Variants in GALNT17 observed in about 807,000 individuals in gnomAD.
GALNT17 encodes the protein UDP-GalNAc:polypeptide N-acetylgalactosaminyltransferase-like 3.
In GALNT17, 29 loss-of-function variants were observed where a neutral mutation model predicts 63.7. The observed-to-expected ratio is 0.46, with a 90% CI of 0.34 to 0.62. The LOEUF is 0.62. GALNT17 is among the 20% of genes least tolerant of loss of function. The pLI is 0.01. For synonymous variants in GALNT17, 305 were observed against 318.3 expected (o/e 0.96, Z 0.45); for missense variants, 603 against 799.6 (o/e 0.75, Z 2.97).
At chr7:71,583,431 G>T (rs989535960) in intron 6 of GALNT17, among the ~76,000 whole-genome samples, 1 of 152,156 alleles carries the variant, frequency 6.6e-6, no homozygotes, top group Non-Finnish European at 1.5e-5. Flanking sequence ...GGAAGAGATA[G>T]TCAGGCCCCC....
chr7:71,133,655 C>T lies in GALNT17; in HGVS notation c.238+615C>T, dbSNP rs531229841. Among the ~76,000 whole-genome samples, 13 of 152,232 alleles carry T rather than the reference C, an allele frequency of 8.5e-5. No homozygotes were observed. In the South Asian group the frequency reaches 1.2e-3, roughly 15 times the overall value. ...GGCGATTGTTAAAGCTCAGGGTGGG[C>T]CTGCGAAGTTTCCAGAATGTAGCAC... On this transcript the variant is annotated intron_variant, in intron 1 of 10. Coordinates refer to ENST00000333538, the MANE Select transcript of GALNT17 (RefSeq NM_022479.3).
At chr7:71,474,531 G>A (rs1360941334) in intron 5 of GALNT17, among the ~76,000 whole-genome samples, 3 of 152,082 alleles carry the variant, frequency 2.0e-5, no homozygotes, top group Non-Finnish European at 2.9e-5. Flanking sequence ...GTAAAATTAT[G>A]CCTCAATATA....
chr7:71,425,058 T>C (rs1348211119), intron 5 of GALNT17, among the ~76,000 whole-genome samples: 1 of 152,140 alleles, frequency 6.6e-6, no homozygotes. Context: ...TCCACTTTTA[T>C]TTTTCCACAC....
intron 1 of GALNT17, among the ~76,000 whole-genome samples, chr7:71,269,874 T>G (rs1209716736): frequency 6.6e-6 from 1 of 151,996 alleles, no homozygotes; most frequent in African/African-American, 2.4e-5. Context: ...ACAGATAAAT[T>G]TGTTGTAAAA....
intron 1 of GALNT17, among the ~76,000 whole-genome samples, chr7:71,317,553 C>A (rs1009774330): frequency 1.3e-5 from 2 of 151,946 alleles, no homozygotes; most frequent in Admixed American, 1.3e-4. Context: ...AGGATGTGAG[C>A]CCAATGGGGC....
intron 2 of GALNT17, among the ~76,000 whole-genome samples, chr7:71,386,377 G>A (rs73360158): frequency 0.12 from 17,546 of 152,120 alleles, 2,489 homozygotes; most frequent in African/African-American, 0.33. Flanking sequence ...TCTGCTCCCT[G>A]TTCCGTTGTG....
chr7:71,429,671 G>A (rs1440631391), intron 5 of GALNT17, among the ~76,000 whole-genome samples: 1 of 152,112 alleles, frequency 6.6e-6, no homozygotes. Flanking sequence ...GCCTCCAGCG[G>A]AGCTGGGACC....
chr7:71,133,544 C>T (rs1787727262), intron 1 of GALNT17, among the ~76,000 whole-genome samples: 1 of 152,128 alleles, frequency 6.6e-6, no homozygotes, highest in Non-Finnish European at 1.5e-5. Flanking sequence ...AGGAATATGT[C>T]ATCTGTCTAT....
intron 6 of GALNT17, among the ~76,000 whole-genome samples, chr7:71,580,027 A>C (rs1364641757): frequency 2.0e-5 from 3 of 151,966 alleles, no homozygotes; most frequent in Non-Finnish European, 4.4e-5. Context: ...GACGATAGAG[A>C]TGATGGATGG....
chr7:71,199,524 AT>A (rs1789123102), intron 1 of GALNT17, among the ~76,000 whole-genome samples: 1 of 75,690 alleles, frequency 1.3e-5, no homozygotes, highest in South Asian at 3.9e-4. Context: ...CCATCCATTC[AT>A]CCATCCATCC....
intron 5 of GALNT17, among the ~76,000 whole-genome samples, chr7:71,532,534 G>A (rs1788737514): frequency 6.6e-6 from 1 of 152,180 alleles, no homozygotes. Flanking sequence ...GGATGTAAGT[G>A]ACCAAATCTT....
intron 2 of GALNT17, among the ~76,000 whole-genome samples, chr7:71,366,409 T>C (rs956492156): frequency 2.0e-5 from 3 of 152,016 alleles, no homozygotes; most frequent in African/African-American, 4.8e-5. Context: ...AGTGAAACCC[T>C]GTCTCTATTA....
At chr7:71,478,693 A>G (rs1787764323) in intron 5 of GALNT17, among the ~76,000 whole-genome samples, 1 of 152,148 alleles carries the variant, frequency 6.6e-6, no homozygotes, top group Admixed American at 6.6e-5. Context: ...CCTGGGAGCC[A>G]GGCTTCTCCA....
At chr7:71,325,729 C>T (rs1381784251) in intron 1 of GALNT17, among the ~76,000 whole-genome samples, 1 of 152,086 alleles carries the variant, frequency 6.6e-6, no homozygotes, top group Non-Finnish European at 1.5e-5. Context: ...TCTTGCTGAG[C>T]GGTGATCAAC....
rs180723108 is a variant in GALNT17, at chr7:71,681,647, G to A, written c.1500+4341G>A. On this transcript the variant is annotated intron_variant, in intron 9 of 10. Coordinates refer to ENST00000333538, the MANE Select transcript of GALNT17 (RefSeq NM_022479.3). ...CTTTTAGGCAATTACTCCAAGAGTAGCTGTGAAAAGAGCACTTAACTCCCA... is the reference window on the plus strand; with the variant it reads ...CTTTTAGGCAATTACTCCAAGAGTAACTGTGAAAAGAGCACTTAACTCCCA... Among the ~76,000 whole-genome samples the A allele has an allele frequency of 3.4e-3, 512 of 152,322 alleles. 3 individuals carry two copies. Among genetic ancestry groups the A allele is most frequent in the Non-Finnish European group, 3.5e-3 (240 of 68,022 alleles).
At chr7:71,708,873 G>A (rs1791754189) in intron 9 of GALNT17, among the ~76,000 whole-genome samples, 1 of 152,108 alleles carries the variant, frequency 6.6e-6, no homozygotes, top group Admixed American at 6.5e-5. Context: ...CATCCATGTT[G>A]CTACAAAAGA....
intron 1 of GALNT17, among the ~76,000 whole-genome samples, chr7:71,211,566 C>T (rs1451032595): frequency 1.3e-5 from 2 of 152,090 alleles, no homozygotes; most frequent in Non-Finnish European, 2.9e-5. Context: ...AATTGGGTAA[C>T]AGGGAGAGAT....
chr7:71,679,894 CTCCCTCCCTCCCTCCCTCCT>C (rs1562733717), intron 9 of GALNT17, among the ~76,000 whole-genome samples: 11 of 90,944 alleles, frequency 1.2e-4, no homozygotes, highest in African/African-American at 4.6e-4. Flanking sequence ...TTTTCCCTCC[CTCCCTCCCTCCCTCCCTCCT>C]TCTCTCCCTT....
intron 2 of GALNT17, among the ~76,000 whole-genome samples, chr7:71,338,322 G>A (rs942131134): frequency 6.7e-6 from 1 of 149,596 alleles, no homozygotes; most frequent in Non-Finnish European, 1.5e-5. Flanking sequence ...GCGAGACTCC[G>A]TCTCAAAAAA....
Sources: allele counts gnomAD v4.1 joint callset (sites outside exome capture counted in the v4.1 genomes callset), GRCh38; gene constraint gnomAD v4.1.1; transcripts MANE v1.5; gene names NCBI Gene and HGNC (gene_info 2026-07-23, HGNC 2026-07-21).